DHRS3: variants seen among roughly 807,000 people sequenced by gnomAD.
DHRS3 encodes the protein short-chain dehydrogenase/reductase 3.
In DHRS3, 14 loss-of-function variants were observed where a neutral mutation model predicts 27.2. The observed-to-expected ratio is 0.52, with a 90% CI of 0.34 to 0.81. DHRS3 has a LOEUF of 0.81. DHRS3 is among the 30% of genes least tolerant of loss of function. DHRS3 has a pLI of 0.01. For synonymous variants in DHRS3, 165 were observed against 175.9 expected, an observed-to-expected ratio of 0.94 and a Z score of 0.49; for missense variants, 322 against 406.2, an observed-to-expected ratio of 0.79 and a Z score of 1.78.
intron 1 of DHRS3, among the ~76,000 whole-genome samples, chr1:12,585,029 G>C (rs1167638583): frequency 1.3e-5 from 2 of 151,132 alleles, no homozygotes; most frequent in Non-Finnish European, 3.0e-5. Flanking sequence ...GTGTGTGTGT[G>C]TCTCTGTGTG....
At chr1:12,611,179 G>A (rs541239481) in intron 1 of DHRS3, among the ~76,000 whole-genome samples, 6 of 152,160 alleles carry the variant, frequency 3.9e-5, no homozygotes, top group African/African-American at 1.2e-4. Flanking sequence ...AAACAAGTGC[G>A]CTTCATCTGA....
intron 1 of DHRS3, among the ~76,000 whole-genome samples, chr1:12,616,155 C>G (rs959705032): frequency 3.3e-5 from 5 of 152,252 alleles, no homozygotes; most frequent in Non-Finnish European, 7.3e-5. Context: ...TATGCGGCTC[C>G]ATGTCAGATC....
chr1:12,589,203 A>G (rs903266153), intron 1 of DHRS3, among the ~76,000 whole-genome samples: 8 of 152,064 alleles, frequency 5.3e-5, no homozygotes, highest in Non-Finnish European at 1.2e-4. Context: ...TACTACTAGA[A>G]TTTCCCCCTT....
chr1:12,580,381 TG>T (rs1646632925), intron 2 of DHRS3, 141 bp downstream of exon 2: 1 of 1,114,284 alleles, frequency 9.0e-7, no homozygotes, highest in African/African-American at 1.5e-5. Flanking sequence ...GCCAGCTTCA[TG>T]GGAGAGTCCC....
rs944465851 is a variant in DHRS3, at chr1:12,600,390, G to A, written c.195+16764C>T. The A allele has an allele frequency of 2.5e-5, 25 of 985,368 alleles. No homozygotes were observed. In the Admixed American group the frequency reaches 7.4e-4, roughly 29 times the overall value. 61.0% of individuals were successfully genotyped at this position (985,368 alleles called of 1,614,324 possible). ...TGTCTTGCCATCCCTTAAGGACCCC[G>A]TCTCCTCTGCTGTGTGCTCATAGGG... On this transcript the variant is annotated intron_variant, in intron 1 of 5. Transcript: ENST00000616661.
chr1:12,580,530 C>A lies in DHRS3; in HGVS notation c.332G>T (p.Arg111Leu). 9 of 1,614,182 alleles carry A rather than the reference C, an allele frequency of 5.6e-6. No homozygotes were observed. The highest frequency in any genetic ancestry group is 7.6e-6 in the Non-Finnish European group (9 of 1,180,038). Residue 111 changes from arginine to leucine, a missense_variant, in exon 2 of 6, where the codon CGG becomes CTG. By Grantham distance (102) the Arg-to-Leu change is moderately radical (BLOSUM62 -2). Transcript: ENST00000616661. Reference sequence around the variant, plus strand: ...CCCTCCCAGGCTACAGACCTTCTCCCGGACGGCCTTGGCCGTCTGGTACAC... The same window carrying A: ...CCCTCCCAGGCTACAGACCTTCTCCAGGACGGCCTTGGCCGTCTGGTACAC... ...EEVYQTAKAV[R>L]EKVGDITILV... is the part of the protein sequence containing the mutation.
At chr1:12,572,969 C>CCAA in intron 4 of DHRS3, 116 bp from the exon 5 acceptor site, 1 of 1,322,514 alleles carries the variant, frequency 7.6e-7, no homozygotes, top group Non-Finnish European at 1.0e-6. Context: ...CTGAGAGATT[C>CCAA]GAGGCCTGCT....
At chr1:12,583,929 A>C in intron 1 of DHRS3, among the ~76,000 whole-genome samples, 1 of 145,592 alleles carries the variant, frequency 6.9e-6, no homozygotes. Context: ...CTATCCATTC[A>C]TCCACCCACC....
At chr1:12,581,779 C>G (rs549714803) in intron 1 of DHRS3, among the ~76,000 whole-genome samples, 95 of 152,272 alleles carry the variant, frequency 6.2e-4, no homozygotes, top group Non-Finnish European at 1.2e-3. Flanking sequence ...AACTAAGAAC[C>G]AGCTTCACCA....
chr1:12,568,221 G>T lies in DHRS3; in HGVS notation c.*119C>A. ...CAGGGGCAGCCGGATTCTTCGCTGG[G>T]GACAGGAGCTGTCCTGCTCACCCAG... On this transcript the variant is annotated 3_prime_UTR_variant, in exon 6 of 6. Coordinates refer to ENST00000616661, the MANE Select transcript of DHRS3 (RefSeq NM_004753.7). The T allele has an allele frequency of 2.1e-6, 2 of 970,038 alleles. No homozygotes were observed. Among genetic ancestry groups the T allele is most frequent in the Non-Finnish European group, 3.3e-6 (2 of 613,842 alleles). 60.1% of individuals were successfully genotyped at this position (970,038 alleles called of 1,614,324 possible).
rs1355509121 is a variant in DHRS3, at chr1:12,618,040, C to A, written c.-692G>T. On this transcript the variant is annotated 5_prime_UTR_variant, in exon 1 of 6. Coordinates refer to ENST00000616661, the MANE Select transcript of DHRS3 (RefSeq NM_004753.7). This position sits in a 1 kb window ranked among gnomAD's most constrained non-coding sequence, Gnocchi z 4.2. Reference sequence around the variant, plus strand: ...TGTCAGTTTCTTTACGTGCAGCGCTCGCCCTCGCGCGCGCTCGCTCGCTCC... The same window carrying A: ...TGTCAGTTTCTTTACGTGCAGCGCTAGCCCTCGCGCGCGCTCGCTCGCTCC... 1.3e-5 allele frequency among the ~76,000 whole-genome samples: 2 copies of A among 152,122 alleles called. No individual in the cohort carries two copies. The highest frequency in any genetic ancestry group is 2.4e-5 in the African/African-American group (1 of 41,430).
At chr1:12,589,307 C>A (rs938592404) in intron 1 of DHRS3, among the ~76,000 whole-genome samples, 1 of 152,016 alleles carries the variant, frequency 6.6e-6, no homozygotes, top group Non-Finnish European at 1.5e-5. Flanking sequence ...GGGTTCAATT[C>A]TTTAACAGTT....
rs1338838124 is a variant in DHRS3 at position 12,591,397 on chromosome 1, G to A, written c.196-10731C>T. On this transcript the variant is annotated intron_variant, in intron 1 of 5. Transcript: ENST00000616661. The surrounding 1 kb of genome is among the most constrained non-coding windows in gnomAD (Gnocchi z 4.1). ...GCCCCTGTTTTGGCCTGCCGAGAAT[G>A]TTTTGGCTACCGCTGGCTCAGCTGT... Among the ~76,000 whole-genome samples the A allele has an allele frequency of 6.6e-6, 1 of 152,250 alleles. No individual in the cohort carries two copies. Among genetic ancestry groups the A allele is most frequent in the Non-Finnish European group, 1.5e-5 (1 of 68,038 alleles).
chr1:12,585,132 AGT>A (rs1208411271), intron 1 of DHRS3, among the ~76,000 whole-genome samples: 1 of 78,244 alleles, frequency 1.3e-5, no homozygotes, highest in Non-Finnish European at 2.7e-5. Context: ...TGTGAGAGAG[AGT>A]GTGTGTGTGT....
At chr1:12,605,518 T>G (rs1050116731) in intron 1 of DHRS3, among the ~76,000 whole-genome samples, 2 of 152,208 alleles carry the variant, frequency 1.3e-5, no homozygotes, top group Non-Finnish European at 2.9e-5. Context: ...GCCATGTATA[T>G]TCCTACATTC....
intron 5 of DHRS3, among the ~76,000 whole-genome samples, chr1:12,568,677 G>C (rs1362201743): frequency 2.6e-5 from 4 of 152,210 alleles, no homozygotes; most frequent in Non-Finnish European, 5.9e-5. Context: ...TATAATCCAA[G>C]TACTTTGGGA....
rs541149917 is a variant in DHRS3, at chr1:12,591,511, A to G, written c.196-10845T>C. On this transcript the variant is annotated intron_variant, in intron 1 of 5. Transcript: ENST00000616661. This position sits in a 1 kb window ranked among gnomAD's most constrained non-coding sequence, Gnocchi z 4.1. ...CCCTGACCGCAACCTGGAGCAGGGC[A>G]GAGACTTCCTCCAGGCGGACGTCCA... 3.3e-5 allele frequency among the ~76,000 whole-genome samples: 5 copies of G among 152,370 alleles called. No individual in the cohort carries two copies. Among genetic ancestry groups the G allele is most frequent in the African/African-American group, 7.2e-5 (3 of 41,598 alleles).
At chr1:12,610,675 A>G (rs1646903234) in intron 1 of DHRS3, among the ~76,000 whole-genome samples, 1 of 152,234 alleles carries the variant, frequency 6.6e-6, no homozygotes, top group African/African-American at 2.4e-5. Flanking sequence ...TGCCACAGCA[A>G]TGAGCACACA....
In DHRS3 at chr1:12,594,898, C is replaced by G. The variant is rs1050266040; in HGVS notation, c.196-14232G>C. ...AGAGGGATTCTGGACGGTTGCAGAGCTGGGTGCTGGAGAAAGTGAGCTTCC... is the reference window on the plus strand; with the variant it reads ...AGAGGGATTCTGGACGGTTGCAGAGGTGGGTGCTGGAGAAAGTGAGCTTCC... On this transcript the variant is annotated intron_variant, in intron 1 of 5. Coordinates refer to ENST00000616661, the MANE Select transcript of DHRS3 (RefSeq NM_004753.7). This position sits in a 1 kb window ranked among gnomAD's most constrained non-coding sequence, Gnocchi z 4.1. Among the ~76,000 whole-genome samples the G allele has an allele frequency of 2.6e-4, 39 of 152,240 alleles. 2 individuals are homozygous for G. Among genetic ancestry groups the G allele is most frequent in the Admixed American group, 2.2e-3 (33 of 15,302 alleles).
Sources: gnomAD v4.1 joint callset for allele counts (sites outside exome capture counted in the v4.1 genomes callset) on GRCh38, gnomAD v4.1.1 for gene constraint, Gnocchi (gnomAD v3.1) non-coding constraint, MANE v1.5 for transcripts, NCBI Gene and HGNC (gene_info 2026-07-23, HGNC 2026-07-21) for gene names.